Variants in BAZ2B observed in about 807,000 individuals in gnomAD.
The protein encoded by BAZ2B is bromodomain adjacent to zinc finger domain 2B.
BAZ2B carries 91 observed loss-of-function variants against 246.0 expected under a neutral mutation model. That is an observed-to-expected ratio of 0.37 (90% CI 0.31 to 0.44). The LOEUF is 0.44. Among genes scored for constraint, BAZ2B ranks in the 20% least tolerant of loss-of-function variants. The probability of loss-of-function intolerance (pLI) is 1.00; values close to 1 mark genes in which losing one functional copy is unlikely to be tolerated. For missense variants in BAZ2B, 2,332 were observed against 2,533.7 expected, an observed-to-expected ratio of 0.92 and a Z score of 1.71; for synonymous variants, 855 against 860.0, an observed-to-expected ratio of 0.99 and a Z score of 0.10.
chr2:159,679,594 C>A, the BAZ2B span, among the ~76,000 whole-genome samples: 1 of 152,078 alleles, frequency 6.6e-6, no homozygotes, highest in Non-Finnish European at 1.5e-5. Context: ...GACCTTTACA[C>A]AGAATGTGAT....
the BAZ2B span, among the ~76,000 whole-genome samples, chr2:159,703,831 C>T: frequency 1.3e-5 from 2 of 152,144 alleles, no homozygotes; most frequent in African/African-American, 4.8e-5. Flanking sequence ...TGCCACTGTA[C>T]TCCAGCCTGG....
intron 27 of BAZ2B, among the ~76,000 whole-genome samples, chr2:159,357,463 G>A (rs2059234973): frequency 6.6e-6 from 1 of 152,052 alleles, no homozygotes; most frequent in Non-Finnish European, 1.5e-5. Flanking sequence ...CAAGAAATAT[G>A]GGACTATGTG....
chr2:159,345,046 CT>C, intron 31 of BAZ2B, among the ~76,000 whole-genome samples: 2 of 152,038 alleles, frequency 1.3e-5, no homozygotes, highest in African/African-American at 4.8e-5. Context: ...CCTGTCTCTA[CT>C]AAAAATACAG....
the BAZ2B span, among the ~76,000 whole-genome samples, chr2:159,631,399 C>A: frequency 3.3e-5 from 5 of 152,198 alleles, no homozygotes; most frequent in African/African-American, 1.2e-4. Flanking sequence ...GTATAGCAAC[C>A]AGCACATACC....
rs1231373361 is a variant in BAZ2B at position 159,348,780 on chromosome 2, G to A, written c.5191C>T (p.Leu1731Phe). 3 of 1,613,076 alleles carry A rather than the reference G, an allele frequency of 1.9e-6. No homozygotes were observed. Among genetic ancestry groups the A allele is most frequent in the Non-Finnish European group, 2.5e-6 (3 of 1,179,776 alleles). Reference sequence around the variant, plus strand: ...ATTCCTCTGAGATGCAGCACTTTGAGCAAAGCTTTTAGGTCCTCTGGGTCA... The same window carrying A: ...ATTCCTCTGAGATGCAGCACTTTGAACAAAGCTTTTAGGTCCTCTGGGTCA... Reference protein sequence around the residue: ...IIDPEDLKALLKVLHLRGIRE... With the variant: ...IIDPEDLKALFKVLHLRGIRE... Residue 1731 changes from leucine (L) to phenylalanine (F), a missense_variant, in exon 30 of 37, where the codon CTC (leucine) becomes TTC (phenylalanine). Physicochemically the swap from Leu to Phe is conservative, Grantham distance 22 (BLOSUM62 0). Transcript: ENST00000392783.
intron 2 of BAZ2B, among the ~76,000 whole-genome samples, chr2:159,511,044 T>C (rs115162264): frequency 2.0e-3 from 311 of 152,338 alleles, no homozygotes; most frequent in African/African-American, 7.2e-3. Context: ...AGATTAGTAA[T>C]AGCGCAGATT....
Position 159,385,374 on chromosome 2 carries a change from A to T in BAZ2B, c.3472-5T>A. ...TTCTCCAAGAGCTGTTTTAGCCTAT[A>T]AAAGTTTGGCATTTTTATCAGTATT... On this transcript the variant is annotated splice_polypyrimidine_tract_variant and splice_region_variant and intron_variant, in intron 22 of 36. Coordinates refer to ENST00000392783, the MANE Select transcript of BAZ2B (RefSeq NM_013450.4). 6.2e-7 allele frequency: 1 copy of T among 1,610,148 alleles called. No homozygotes were observed. The highest frequency in any genetic ancestry group is 8.5e-7 in the Non-Finnish European group (1 of 1,178,176).
intron 2 of BAZ2B, among the ~76,000 whole-genome samples, chr2:159,512,311 C>A (rs1170703748): frequency 1.3e-5 from 2 of 152,074 alleles, no homozygotes; most frequent in African/African-American, 4.8e-5. Flanking sequence ...ATCCAGAAGG[C>A]AAAAGGTTTA....
chr2:159,339,675 C>T (rs1401064628), intron 31 of BAZ2B, among the ~76,000 whole-genome samples: 1 of 152,022 alleles, frequency 6.6e-6, no homozygotes, highest in African/African-American at 2.4e-5. Flanking sequence ...CCTAAATGCC[C>T]ATCAACAGAT....
the BAZ2B span, among the ~76,000 whole-genome samples, chr2:159,700,782 T>C: frequency 6.6e-6 from 1 of 152,168 alleles, no homozygotes; most frequent in Non-Finnish European, 1.5e-5. Context: ...TTTCCTTGAA[T>C]ATTTTTTGAT....
At chr2:159,603,577 C>A (rs1215194267) in intron 1 of BAZ2B, among the ~76,000 whole-genome samples, 1 of 151,902 alleles carries the variant, frequency 6.6e-6, no homozygotes, top group African/African-American at 2.4e-5. Flanking sequence ...GAATTATATC[C>A]TCTGCCCCTG....
In BAZ2B at chr2:159,405,077, T is replaced by C. The variant is rs1192598951; in HGVS notation, c.2715A>G (p.Arg905=). 1 of 1,614,006 alleles carries C rather than the reference T, an allele frequency of 6.2e-7. No individual in the cohort carries two copies. Among genetic ancestry groups the C allele is most frequent in the African/African-American group, 1.3e-5 (1 of 74,932 alleles). The stretch of plus-strand genomic sequence containing the variant: ...GAGCCTGTTCCTGCTTTTGAAGTTT[T>C]CTCAAAAGCTTTATTTGTGCTGCTT... ...ARQAAQIKLL[R]KLQKQEQARV... The change falls in exon 15 of 37, where the codon AGA becomes AGG. Residue 905 remains arginine (R), a synonymous_variant. Transcript: ENST00000392783.
At chr2:159,599,935 CAAA>C (rs11303439) in intron 1 of BAZ2B, among the ~76,000 whole-genome samples, 75 of 101,572 alleles carry the variant, frequency 7.4e-4, no homozygotes, top group African/African-American at 2.7e-3. Context: ...GACTCCTTCT[CAAA>C]AAAAAAAAAA....
intron 12 of BAZ2B, 89 bp from the exon 13 acceptor site, chr2:159,428,131 G>A: frequency 7.8e-7 from 1 of 1,281,674 alleles, no homozygotes; most frequent in Admixed American, 1.9e-5. Flanking sequence ...CTAATGTTTT[G>A]CATATTCTAT....
chr2:159,327,986 A>AC (rs2063973474), intron 34 of BAZ2B, among the ~76,000 whole-genome samples: 1 of 148,376 alleles, frequency 6.7e-6, no homozygotes, highest in East Asian at 2.1e-4. Flanking sequence ...AATCACTTGA[A>AC]CCTAGGAGGT....
the BAZ2B span, among the ~76,000 whole-genome samples, chr2:159,683,114 G>A: frequency 3.9e-5 from 6 of 152,148 alleles, no homozygotes; most frequent in South Asian, 2.1e-4. Flanking sequence ...CAAATGTATA[G>A]GCTTTCCTTG....
intron 1 of BAZ2B, among the ~76,000 whole-genome samples, chr2:159,613,409 TAAG>T (rs1205526594): frequency 6.6e-6 from 1 of 150,698 alleles, no homozygotes; most frequent in African/African-American, 2.4e-5. Flanking sequence ...AACACAATAT[TAAG>T]TTCTCATAAA....
At chr2:159,678,720 CTGT>C in the BAZ2B span, among the ~76,000 whole-genome samples, 30 of 152,154 alleles carry the variant, frequency 2.0e-4, no homozygotes, top group African/African-American at 6.3e-4. Flanking sequence ...GCAAATAGTT[CTGT>C]AAACATAAAA....
chr2:159,415,814 C>A (rs555241474), intron 13 of BAZ2B, among the ~76,000 whole-genome samples: 4 of 152,136 alleles, frequency 2.6e-5, no homozygotes, highest in African/African-American at 7.2e-5. Flanking sequence ...CTAAATTGTA[C>A]GTGATTATGG....
Sources: gnomAD v4.1 joint callset for allele counts (sites outside exome capture counted in the v4.1 genomes callset) on GRCh38, gnomAD v4.1.1 for gene constraint, MANE v1.5 for transcripts, NCBI Gene and HGNC (gene_info 2026-07-23, HGNC 2026-07-21) for gene names.